The following MTREX variants were observed in gnomAD, a reference collection of about 807,000 sequenced individuals.
MTREX encodes exosome RNA helicase MTR4.
In MTREX, 76 loss-of-function variants were observed where a neutral mutation model predicts 135.4. The ratio of observed to expected loss-of-function variants is 0.56; its 90% CI spans 0.47 to 0.68. MTREX has a LOEUF of 0.68. MTREX is among the 30% of genes least tolerant of loss of function. The pLI is 0.00. For synonymous variants in MTREX, 404 were observed against 401.6 expected, an observed-to-expected ratio of 1.01 and a Z score of -0.07; for missense variants, 920 against 1,262.1, an observed-to-expected ratio of 0.73 and a Z score of 4.11.
At chr5:55,364,717 G>A (rs957879470) in intron 15 of MTREX, among the ~76,000 whole-genome samples, 1 of 152,158 alleles carries the variant, frequency 6.6e-6, no homozygotes, top group African/African-American at 2.4e-5. Flanking sequence ...TAGAGTGGTG[G>A]CAGTGGTAAA....
chr5:55,425,325 C>T lies in MTREX; in HGVS notation c.*553C>T. ...GTTCTTTCTTTGAAGAAATCCGATA[C>T]ATATACAGCCTACAGTGCAAAATAT... On this transcript the variant is annotated 3_prime_UTR_variant, in exon 27 of 27. Transcript: ENST00000230640. 1 of 1,601,740 alleles carries T rather than the reference C, an allele frequency of 6.2e-7. No individual in the cohort carries two copies. The highest frequency in any genetic ancestry group is 2.2e-5 in the East Asian group (1 of 44,814).
intron 22 of MTREX, among the ~76,000 whole-genome samples, chr5:55,405,964 A>G (rs1437655197): frequency 6.6e-6 from 1 of 152,182 alleles, no homozygotes; most frequent in Non-Finnish European, 1.5e-5. Context: ...CTTAGCTTAT[A>G]TATAATTTTG....
chr5:55,346,096 C>CT (rs1259700378), intron 10 of MTREX, among the ~76,000 whole-genome samples: 2 of 152,054 alleles, frequency 1.3e-5, no homozygotes, highest in African/African-American at 4.8e-5. Flanking sequence ...TGGTTTTTGA[C>CT]TGTTAGGAAT....
At chr5:55,371,682 A>G (rs1561200307) in intron 16 of MTREX, among the ~76,000 whole-genome samples, 3 of 152,332 alleles carry the variant, frequency 2.0e-5, no homozygotes, top group African/African-American at 7.2e-5. Flanking sequence ...AAGTTGCCTC[A>G]TTAATTTATG....
intron 15 of MTREX, among the ~76,000 whole-genome samples, chr5:55,361,607 G>A (rs994226741): frequency 1.3e-5 from 2 of 150,302 alleles, no homozygotes; most frequent in South Asian, 2.1e-4. Flanking sequence ...GGCACCTGCC[G>A]CCACACCCAG....
intron 5 of MTREX, among the ~76,000 whole-genome samples, chr5:55,330,515 GAT>G (rs1237812502): frequency 6.6e-6 from 1 of 150,800 alleles, no homozygotes; most frequent in Non-Finnish European, 1.5e-5. Context: ...TGCTTGAACA[GAT>G]AGGGTACAGT....
intron 23 of MTREX, among the ~76,000 whole-genome samples, chr5:55,412,519 C>T (rs1181855222): frequency 1.3e-5 from 2 of 152,164 alleles, no homozygotes; most frequent in African/African-American, 2.4e-5. Flanking sequence ...AGTACACATA[C>T]ATTCTGTCAA....
rs959138568 is a variant in MTREX at position 55,379,128 on chromosome 5, T to G, written c.1985T>G (p.Val662Gly). The change falls in exon 18 of 27, where the codon GTA becomes GGA. Residue 662 changes from valine (V) to glycine (G), a missense_variant and splice_region_variant. Physicochemically the swap from Val to Gly is moderately radical, Grantham distance 109. Transcript: ENST00000230640. ...TTACTTGCTTTTCTTTCTTTTTAGG[T>G]AAAGAATGAAGGAGATGACTTTGGC... ...PFLQPGRLVK[V>G]KNEGDDFGWG... 3 of 1,606,546 alleles carry G rather than the reference T, an allele frequency of 1.9e-6. No individual in the cohort carries two copies. The highest frequency in any genetic ancestry group is 1.7e-5 in the Admixed American group (1 of 59,952).
chr5:55,314,541 G>A (rs553537513), intron 1 of MTREX, among the ~76,000 whole-genome samples: 14 of 152,274 alleles, frequency 9.2e-5, no homozygotes, highest in East Asian at 3.9e-4. Context: ...GTCATAAGCC[G>A]GAAAATGTGG....
intron 1 of MTREX, among the ~76,000 whole-genome samples, chr5:55,319,352 T>C (rs1749250330): frequency 6.6e-6 from 1 of 152,220 alleles, no homozygotes; most frequent in South Asian, 2.1e-4. Flanking sequence ...TTTTGTCTCA[T>C]GTAATATGTA....
In MTREX at chr5:55,414,126, A is replaced by G. The variant is rs965352302; in HGVS notation, c.2752-56A>G. 6.0e-6 allele frequency: 8 copies of G among 1,322,854 alleles called. No individual in the cohort carries two copies. The African/African-American group carries it at 1.0e-4, about 17-fold the overall frequency. 81.9% of individuals were successfully genotyped at this position (1,322,854 alleles called of 1,614,324 possible). On this transcript the variant is annotated intron_variant, in intron 23 of 26. Coordinates refer to ENST00000230640, the MANE Select transcript of MTREX (RefSeq NM_015360.5). ...TAATTTGTTAAAACGGGTAGTGTGAAAAACCAGTAACTTTAAACGTGGGTT... is the reference window on the plus strand; with the variant it reads ...TAATTTGTTAAAACGGGTAGTGTGAGAAACCAGTAACTTTAAACGTGGGTT...
intron 21 of MTREX, among the ~76,000 whole-genome samples, chr5:55,402,558 T>C (rs938967357): frequency 4.6e-5 from 7 of 152,170 alleles, no homozygotes; most frequent in African/African-American, 1.7e-4. Flanking sequence ...AAAGTTGTTA[T>C]GGAGACTCTG....
chr5:55,335,396 A>G (rs1357809084), intron 5 of MTREX, among the ~76,000 whole-genome samples: 3 of 152,110 alleles, frequency 2.0e-5, no homozygotes, highest in African/African-American at 7.2e-5. Context: ...TCCCAAAATC[A>G]CAAGTATTTT....
chr5:55,353,519 A>C (rs1348858900), intron 14 of MTREX, among the ~76,000 whole-genome samples: 1 of 152,198 alleles, frequency 6.6e-6, no homozygotes, highest in African/African-American at 2.4e-5. Context: ...CCTGGGCAAC[A>C]TAGCGAGACC....
rs903785479 is a variant in MTREX, at chr5:55,365,948, G to A, written c.1660-777G>A. Among the ~76,000 whole-genome samples the A allele has an allele frequency of 4.7e-5, 7 of 149,696 alleles. No individual in the cohort carries two copies. The East Asian group carries it at 5.9e-4, about 13-fold the overall frequency. ...AGAGGTTGCAGTGAGCTGAGATCAC[G>A]CCATTGCACTCCAGCCTGGGCTACA... On this transcript the variant is annotated intron_variant, in intron 15 of 26. Coordinates refer to ENST00000230640, the MANE Select transcript of MTREX (RefSeq NM_015360.5).
intron 25 of MTREX, 123 bp downstream of exon 25, chr5:55,416,255 C>T: frequency 1.7e-6 from 1 of 579,970 alleles, no homozygotes; most frequent in Non-Finnish European, 2.8e-6. Flanking sequence ...AATCTTCTCC[C>T]TATTATATAG....
chr5:55,424,510 G>T, intron 26 of MTREX: 1 of 490,618 alleles, frequency 2.0e-6, no homozygotes, highest in South Asian at 3.1e-5. Flanking sequence ...GAGTATTTCA[G>T]AGTCAAAAGA....
chr5:55,407,675 A>G (rs1361861420), intron 22 of MTREX, among the ~76,000 whole-genome samples: 1 of 152,044 alleles, frequency 6.6e-6, no homozygotes, highest in Non-Finnish European at 1.5e-5. Flanking sequence ...TTTTGGCCTC[A>G]ATTACTGCAG....
chr5:55,349,500 ATTC>A (rs1749793041), intron 11 of MTREX, 70 bp from the exon 12 acceptor site: 1 of 835,220 alleles, frequency 1.2e-6, no homozygotes, highest in Non-Finnish European at 2.0e-6. Context: ...TTAGATTCTT[ATTC>A]TTTGTAATGT....
Sources: gnomAD v4.1 joint callset for allele counts (sites outside exome capture counted in the v4.1 genomes callset) on GRCh38, gnomAD v4.1.1 for gene constraint, MANE v1.5 for transcripts, NCBI Gene and HGNC (gene_info 2026-07-23, HGNC 2026-07-21) for gene names.